ZNF608: variants seen among roughly 807,000 people sequenced by gnomAD.
ZNF608 encodes renal carcinoma antigen NY-REN-36.
In ZNF608, 12 loss-of-function variants were observed where a neutral mutation model predicts 109.0. The ratio of observed to expected loss-of-function variants is 0.11; its 90% confidence interval spans 0.07 to 0.18. The LOEUF is 0.18. ZNF608 is among the 10% of genes least tolerant of loss of function. The pLI is 1.00. For missense variants in ZNF608, 1,707 were observed against 1,879.3 expected, an observed-to-expected ratio of 0.91 and a Z score of 1.70; for synonymous variants, 732 against 717.4, an observed-to-expected ratio of 1.02 and a Z score of -0.33.
At chr5:124,728,383 CA>C (rs1391841984) in intron 2 of ZNF608, among the ~76,000 whole-genome samples, 3 of 152,260 alleles carry the variant, frequency 2.0e-5, no homozygotes, top group Admixed American at 2.0e-4. Context: ...GGGATCAAAG[CA>C]AAGATCACCT....
At chr5:124,708,801 G>C (rs1286184076) in intron 2 of ZNF608, 2 of 455,596 alleles carry the variant, frequency 4.4e-6, no homozygotes, top group Non-Finnish European at 8.8e-6. Flanking sequence ...CCAGGGCTCT[G>C]GCCCCAAGGC....
At chr5:124,676,137 C>T (rs1420471438) in intron 3 of ZNF608, among the ~76,000 whole-genome samples, 2 of 152,078 alleles carry the variant, frequency 1.3e-5, no homozygotes, top group African/African-American at 4.8e-5. Context: ...TTAGTGTGTT[C>T]TCAACATTAA....
intron 3 of ZNF608, among the ~76,000 whole-genome samples, chr5:124,678,079 A>C (rs1385356648): frequency 6.6e-6 from 1 of 152,228 alleles, no homozygotes; most frequent in Non-Finnish European, 1.5e-5. Flanking sequence ...AATTATGGTG[A>C]CTAGAAGTTT....
intron 3 of ZNF608, among the ~76,000 whole-genome samples, chr5:124,684,991 G>T (rs1277822352): frequency 2.0e-5 from 3 of 152,148 alleles, no homozygotes; most frequent in African/African-American, 7.2e-5. Context: ...TATTACAGAT[G>T]CTTCTTGATT....
rs758290351 is a variant in ZNF608, at chr5:124,744,295, C to G, written c.695G>C (p.Gly232Ala). 1.9e-6 allele frequency: 3 copies of G among 1,614,040 alleles called. No homozygotes were observed. ...GGCCCCAAAGCCATAGAGGTGCCCC[C>G]CGGAAGGGGCCTGGCTGCCACTGCC... ...QNGSGSQAPSGGHLYGFGAKS... is the reference protein window; with the variant it reads ...QNGSGSQAPSAGHLYGFGAKS... The change falls in exon 2 of 10, where the codon GGG (glycine) becomes GCG (alanine). Residue 232 changes from glycine (G) to alanine (A), a missense_variant. Coordinates refer to ENST00000513986, the MANE Select transcript of ZNF608 (RefSeq NM_020747.3). This position sits in a 1 kb window ranked among gnomAD's most constrained non-coding sequence, Gnocchi z 4.5.
chr5:124,678,963 G>A (rs1034240501), intron 3 of ZNF608, among the ~76,000 whole-genome samples: 8 of 152,274 alleles, frequency 5.3e-5, no homozygotes, highest in South Asian at 4.1e-4. Context: ...TCTTATTGCC[G>A]TGCAGCAGAC....
chr5:124,689,394 A>G (rs1247828621), intron 3 of ZNF608, among the ~76,000 whole-genome samples: 2 of 151,944 alleles, frequency 1.3e-5, no homozygotes, highest in African/African-American at 4.8e-5. Context: ...CAAACCTGCA[A>G]TGTGCTATGA....
chr5:124,709,807 T>A (rs879300797), intron 2 of ZNF608, among the ~76,000 whole-genome samples: 2 of 152,154 alleles, frequency 1.3e-5, no homozygotes, highest in African/African-American at 4.8e-5. Flanking sequence ...AGCACAAAAA[T>A]AAGCCACAAA....
At chr5:124,653,336 T>G (rs1349573668) in intron 3 of ZNF608, among the ~76,000 whole-genome samples, 2 of 152,238 alleles carry the variant, frequency 1.3e-5, no homozygotes, top group Admixed American at 6.5e-5. Context: ...CATAAGGATT[T>G]CAGTCAGTGT....
At chr5:124,690,220 G>A (rs1389406583) in intron 3 of ZNF608, among the ~76,000 whole-genome samples, 1 of 152,230 alleles carries the variant, frequency 6.6e-6, no homozygotes, top group Non-Finnish European at 1.5e-5. Flanking sequence ...GCTAGGGATG[G>A]GGGAAGGAGA....
At chr5:124,727,042 C>T (rs988569354) in intron 2 of ZNF608, among the ~76,000 whole-genome samples, 1 of 152,206 alleles carries the variant, frequency 6.6e-6, no homozygotes, top group Admixed American at 6.5e-5. Flanking sequence ...TGTAACAGAG[C>T]TTCAAAATCA....
chr5:124,698,283 G>A (rs1433907028), intron 3 of ZNF608, among the ~76,000 whole-genome samples: 2 of 152,218 alleles, frequency 1.3e-5, no homozygotes, highest in Non-Finnish European at 2.9e-5. Context: ...ACACTATAGT[G>A]AGAAAAATGC....
intron 3 of ZNF608, among the ~76,000 whole-genome samples, chr5:124,651,685 T>C (rs767047271): frequency 3.7e-4 from 57 of 152,280 alleles, no homozygotes; most frequent in Non-Finnish European, 5.4e-4. Flanking sequence ...GCTTTTGTTA[T>C]TGCTTTTCCC....
intron 8 of ZNF608, among the ~76,000 whole-genome samples, chr5:124,640,258 G>A (rs1203154879): frequency 6.6e-6 from 1 of 152,208 alleles, no homozygotes; most frequent in African/African-American, 2.4e-5. Flanking sequence ...CTCAAAATAT[G>A]TTGAAGCTCT....
At chr5:124,716,310 CTTAAAT>C (rs1400408145) in intron 2 of ZNF608, among the ~76,000 whole-genome samples, 1 of 150,776 alleles carries the variant, frequency 6.6e-6, no homozygotes, top group Non-Finnish European at 1.5e-5. Flanking sequence ...ACCAAAACAA[CTTAAAT>C]TTAAATTGTT....
chr5:124,693,092 C>T (rs960858741), intron 3 of ZNF608, among the ~76,000 whole-genome samples: 1 of 152,088 alleles, frequency 6.6e-6, no homozygotes, highest in Non-Finnish European at 1.5e-5. Context: ...GGTGGTACAC[C>T]TCTGAATACA....
intron 2 of ZNF608, among the ~76,000 whole-genome samples, chr5:124,714,627 A>G (rs1753623041): frequency 6.6e-6 from 1 of 152,222 alleles, no homozygotes; most frequent in Admixed American, 6.5e-5. Flanking sequence ...ACCTAATTGT[A>G]TTTAATGTAA....
Position 124,711,565 on chromosome 5 carries a change from G to A in ZNF608, c.907-10296C>T, listed in dbSNP as rs527474926. ...ACCTAGTTTGTGTGACAGGAATCAT[G>A]TATTAACCCCAGGCCCTCCCCTTTA... On this transcript the variant is annotated intron_variant, in intron 2 of 9. Coordinates refer to ENST00000513986, the MANE Select transcript of ZNF608 (RefSeq NM_020747.3). Among the ~76,000 whole-genome samples, 119 of 152,338 alleles carry A rather than the reference G, an allele frequency of 7.8e-4. 2 individuals carry two copies. The highest frequency in any genetic ancestry group is 4.6e-3 in the South Asian group (22 of 4,830).
At chr5:124,667,984 T>C (rs886900884) in intron 3 of ZNF608, among the ~76,000 whole-genome samples, 2 of 151,908 alleles carry the variant, frequency 1.3e-5, no homozygotes, top group Admixed American at 1.3e-4. Flanking sequence ...TAAATATACA[T>C]GACAAGGTAC....
Sources: allele counts gnomAD v4.1 joint callset (sites outside exome capture counted in the v4.1 genomes callset), GRCh38; gene constraint gnomAD v4.1.1; non-coding constraint Gnocchi (gnomAD v3.1); transcripts MANE v1.5; gene names NCBI Gene and HGNC (gene_info 2026-07-23, HGNC 2026-07-21).